ARSG: variants seen among roughly 807,000 people sequenced by gnomAD.
ARSG encodes the protein arylsulfatase G.
ARSG carries 37 observed loss-of-function variants against 50.5 expected under a neutral mutation model. That is an observed-to-expected ratio of 0.73 (90% CI 0.56 to 0.96). The LOEUF is 0.96. ARSG is among the 50% of genes least tolerant of loss of function. ARSG has a pLI of 0.00. For missense variants in ARSG, 629 were observed against 675.3 expected (o/e 0.93, Z 0.76); for synonymous variants, 225 against 254.6 (o/e 0.88, Z 1.11).
chr17:68,405,098 G>GAAAT (rs2081647426), intron 11 of ARSG, among the ~76,000 whole-genome samples: 1 of 140,320 alleles, frequency 7.1e-6, no homozygotes, highest in African/African-American at 2.6e-5. Context: ...TTGCAGTTTT[G>GAAAT]AAATCAGGAG....
the ARSG span, chr17:68,434,761 G>C: frequency 2.5e-6 from 2 of 814,522 alleles, no homozygotes; most frequent in South Asian, 3.6e-5. Context: ...GAGCATAGAG[G>C]CATGTTTATT....
chr17:68,341,561 C>T (rs1053442758), intron 2 of ARSG, among the ~76,000 whole-genome samples: 2 of 152,158 alleles, frequency 1.3e-5, no homozygotes, highest in Non-Finnish European at 2.9e-5. Context: ...AACCTTGGAC[C>T]GTCATCCAGT....
At chr17:68,298,088 C>A (rs2076274434) in intron 1 of ARSG, among the ~76,000 whole-genome samples, 1 of 151,522 alleles carries the variant, frequency 6.6e-6, no homozygotes, top group Non-Finnish European at 1.5e-5. Context: ...ACACAGCTGG[C>A]AAATCACTGC....
At chr17:68,356,630 G>C in intron 5 of ARSG, 37 bp from the exon 6 acceptor site, 1 of 1,612,386 alleles carries the variant, frequency 6.2e-7, no homozygotes, top group Non-Finnish European at 8.5e-7. Flanking sequence ...TGAGTACGTA[G>C]GAAATGAATA....
intron 11 of ARSG, among the ~76,000 whole-genome samples, chr17:68,411,989 C>T (rs2147370369): frequency 6.6e-6 from 1 of 152,172 alleles, no homozygotes; most frequent in South Asian, 2.1e-4. Context: ...CTTCCTCCAT[C>T]CTTTTATTTT....
chr17:68,405,959 G>A (rs572499783), intron 11 of ARSG, among the ~76,000 whole-genome samples: 8 of 152,054 alleles, frequency 5.3e-5, no homozygotes, highest in African/African-American at 9.6e-5. Flanking sequence ...GTTCTTTAGC[G>A]GTGATTTGTG....
chr17:68,353,201 T>C (rs2078881464), intron 5 of ARSG, among the ~76,000 whole-genome samples: 1 of 151,916 alleles, frequency 6.6e-6, no homozygotes, highest in South Asian at 2.1e-4. Context: ...ACAATTACTT[T>C]TGCACCAACC....
chr17:68,388,664 C>T (rs1268949597), intron 9 of ARSG, among the ~76,000 whole-genome samples: 2 of 152,166 alleles, frequency 1.3e-5, no homozygotes, highest in Non-Finnish European at 2.9e-5. Context: ...CAGTGGCTCA[C>T]GCCTGTAATC....
intron 2 of ARSG, among the ~76,000 whole-genome samples, chr17:68,331,478 T>G (rs1260400789): frequency 6.6e-6 from 1 of 152,122 alleles, no homozygotes; most frequent in Non-Finnish European, 1.5e-5. Flanking sequence ...TCTCCTGACC[T>G]CATGATCTGC....
At chr17:68,278,521 C>T (rs1555751766) in intron 1 of ARSG, among the ~76,000 whole-genome samples, 1 of 152,020 alleles carries the variant, frequency 6.6e-6, no homozygotes, top group Non-Finnish European at 1.5e-5. Context: ...ATGATCTCAG[C>T]TCACTGCAAC....
chr17:68,423,449 A>G (rs1460246050), downstream of ARSG, among the ~76,000 whole-genome samples: 1 of 152,158 alleles, frequency 6.6e-6, no homozygotes, highest in Non-Finnish European at 1.5e-5. This position sits in a 1 kb window ranked among gnomAD's most constrained non-coding sequence, Gnocchi z 4.4. Flanking sequence ...GCAGACTGAG[A>G]GGTTGGTGGC....
intron 1 of ARSG, chr17:68,273,948 C>T (rs782053514): frequency 7.4e-6 from 12 of 1,614,068 alleles, no homozygotes; most frequent in South Asian, 4.4e-5. Context: ...CCGATGGCGA[C>T]GTACATATGA....
At chr17:68,309,433 C>T (rs1284441170) in intron 2 of ARSG, among the ~76,000 whole-genome samples, 2 of 152,220 alleles carry the variant, frequency 1.3e-5, no homozygotes, top group African/African-American at 2.4e-5. Flanking sequence ...CGAGAGCGAG[C>T]GAGGGCTGTG....
chr17:68,281,165 G>C (rs1055337462), intron 1 of ARSG, among the ~76,000 whole-genome samples: 2 of 151,488 alleles, frequency 1.3e-5, no homozygotes, highest in African/African-American at 4.9e-5. Context: ...ACCCACAGAA[G>C]GGTAGACAAT....
At chr17:68,451,656 C>G in the ARSG span, among the ~76,000 whole-genome samples, 40 of 152,310 alleles carry the variant, frequency 2.6e-4, no homozygotes, top group Admixed American at 7.8e-4. Flanking sequence ...CTTCAGAATT[C>G]TTCTTGTCCT....
chr17:68,439,495 T>A, the ARSG span, among the ~76,000 whole-genome samples: 2 of 152,076 alleles, frequency 1.3e-5, no homozygotes, highest in African/African-American at 4.8e-5. Flanking sequence ...TAGGGAGTGA[T>A]GGCTTAGAGG....
At chr17:68,352,699 G>A (rs1475257673) in intron 5 of ARSG, among the ~76,000 whole-genome samples, 3 of 152,002 alleles carry the variant, frequency 2.0e-5, no homozygotes, top group African/African-American at 7.2e-5. Context: ...TAGAAGAGAC[G>A]GGGTTTCGCC....
At chr17:68,309,043 G>C (rs1227717119) in intron 2 of ARSG, among the ~76,000 whole-genome samples, 1 of 152,248 alleles carries the variant, frequency 6.6e-6, no homozygotes, top group Non-Finnish European at 1.5e-5. Context: ...TGCAGGTCCC[G>C]AGCCCTGCCC....
chr17:68,426,238 CG>C, downstream of ARSG: 1 of 615,196 alleles, frequency 1.6e-6, no homozygotes, highest in Non-Finnish European at 2.3e-6. Context: ...CATGACCTGG[CG>C]GGTGGGGAGC....
Sources: gnomAD v4.1 joint callset for allele counts (sites outside exome capture counted in the v4.1 genomes callset) on GRCh38, gnomAD v4.1.1 for gene constraint, Gnocchi (gnomAD v3.1) non-coding constraint, MANE v1.5 for transcripts, NCBI Gene and HGNC (gene_info 2026-07-23, HGNC 2026-07-21) for gene names.